COL17A1: variants seen among roughly 807,000 people sequenced by gnomAD.
The protein encoded by COL17A1 is collagen type XVII alpha 1 chain.
COL17A1 carries 181 observed loss-of-function variants against 218.4 expected under a neutral mutation model. The observed-to-expected ratio is 0.83, with a 90% CI of 0.73 to 0.94. COL17A1 has a LOEUF of 0.94. Ranked by LOEUF, COL17A1 falls within the 40% of genes least tolerant of loss-of-function variation. The pLI, the probability that COL17A1 is intolerant of heterozygous loss-of-function variation, is 0.00. For synonymous variants in COL17A1, 721 were observed against 731.0 expected, an observed-to-expected ratio of 0.99 and a Z score of 0.22; for missense variants, 1,924 against 1,945.9, an observed-to-expected ratio of 0.99 and a Z score of 0.21.
rs141521477 is a variant in COL17A1, at chr10:104,061,915, G to A, written c.910+343C>T. On this transcript the variant is annotated intron_variant, in intron 12 of 55. Coordinates refer to ENST00000648076, the MANE Select transcript of COL17A1 (RefSeq NM_000494.4). Reference sequence around the variant, plus strand: ...GCACAGCGGTGGCAACCTGTAGGGGGTGCACCATAAAATCAACCAGATGAT... The same window carrying A: ...GCACAGCGGTGGCAACCTGTAGGGGATGCACCATAAAATCAACCAGATGAT... 1.6e-3 allele frequency among the ~76,000 whole-genome samples: 245 copies of A among 152,260 alleles called. 1 individual carries two copies. The highest frequency in any genetic ancestry group is 5.8e-3 in the African/African-American group (239 of 41,544).
At chr10:104,071,923 CA>C (rs1321718766) in intron 8 of COL17A1, 108 bp downstream of exon 8, 6 of 1,514,166 alleles carry the variant, frequency 4.0e-6, no homozygotes, top group Non-Finnish European at 4.6e-6. Context: ...CATGTACATA[CA>C]TGTGTGTGCA....
intron 13 of COL17A1, among the ~76,000 whole-genome samples, chr10:104,060,697 C>T (rs1474286586): frequency 6.6e-6 from 1 of 152,178 alleles, no homozygotes; most frequent in Non-Finnish European, 1.5e-5. Flanking sequence ...CCATCTAAAG[C>T]ACTTCACCCT....
In COL17A1 at chr10:104,033,367, G is replaced by C. The variant is rs750630953; in HGVS notation, c.4165C>G (p.Leu1389Val). 2 of 1,610,702 alleles carry C rather than the reference G, an allele frequency of 1.2e-6. No homozygotes were observed. The highest frequency in any genetic ancestry group is 2.2e-5 in the South Asian group (2 of 90,080). The change falls in exon 53 of 56, where the codon CTA becomes GTA. Residue 1389 changes from leucine to valine, a missense_variant. Leu to Val is a conservative substitution (Grantham distance 32, BLOSUM62 1). Transcript: ENST00000648076. ...ACAGTGTAGGCCATCCCTTGCAGTA[G>C]GCCCTGACCTGTAAAACACCAGAGC... ...RVSESMQRQGLLQGMAYTVQG... is the reference protein window; with the variant it reads ...RVSESMQRQGVLQGMAYTVQG...
At chr10:104,074,145 C>G in intron 6 of COL17A1, 39 bp downstream of exon 6, 3 of 1,613,860 alleles carry the variant, frequency 1.9e-6, no homozygotes, top group Non-Finnish European at 2.5e-6. Flanking sequence ...CCTAGTGCCT[C>G]GTTTGACCAT....
In COL17A1 at chr10:104,033,311, C is replaced by A; in HGVS notation, c.4221G>T (p.Gln1407His). 1 of 1,606,602 alleles carries A rather than the reference C, an allele frequency of 6.2e-7. No individual in the cohort carries two copies. The change falls in exon 53 of 56, where the codon CAG (glutamine) becomes CAT (histidine). Residue 1407 changes from glutamine to histidine, a missense_variant. Transcript: ENST00000648076. ...VQGPPGQPGP[Q>H]GPPGISKVFS... ...AGACCTTGCTGATGCCGGGTGGCCC[C>A]TGTGGCCCAGGCTGGCCTGGTGGGC...
chr10:104,046,628 G>T, intron 32 of COL17A1, 119 bp downstream of exon 32: 2 of 928,098 alleles, frequency 2.2e-6, no homozygotes, highest in Non-Finnish European at 1.8e-6. Context: ...GAAAGGGAGT[G>T]TGTGCCAGGG....
intron 48 of COL17A1, among the ~76,000 whole-genome samples, chr10:104,035,911 A>C (rs200636792): frequency 7.4e-6 from 1 of 135,270 alleles, no homozygotes; most frequent in East Asian, 2.2e-4. Flanking sequence ...TGTGTATGGG[A>C]GTGTGTATGA....
rs767083273 is a variant in COL17A1 at position 104,053,064 on chromosome 10, C to T, written c.1906G>A (p.Gly636Arg). ...CCTTTCTCTCCAGATCCAGGAGGCC[C>T]TGCCTCACCACGAGGTCCCATGGGG... ...EGPMGPRGEA[G>R]PPGSGEKGER... The change falls in exon 23 of 56, where the codon GGG (glycine) becomes AGG (arginine). Residue 636 changes from glycine (G) to arginine (R), a missense_variant. Coordinates refer to ENST00000648076, the MANE Select transcript of COL17A1 (RefSeq NM_000494.4). 6.8e-6 allele frequency: 11 copies of T among 1,614,046 alleles called. No homozygotes were observed. Among genetic ancestry groups the T allele is most frequent in the African/African-American group, 1.3e-5 (1 of 74,942 alleles).
Position 104,053,152 on chromosome 10 carries a change from C to T in COL17A1, c.1835-17G>A, listed in dbSNP as rs1172352702. On this transcript the variant is annotated splice_polypyrimidine_tract_variant and intron_variant, in intron 22 of 55. Coordinates refer to ENST00000648076, the MANE Select transcript of COL17A1 (RefSeq NM_000494.4). The stretch of plus-strand genomic sequence containing the variant: ...CAGGATCTCCTAAAGACAGGGATGG[C>T]CAGCCTCCAAGTCAGGATCCCGTAC... The T allele has an allele frequency of 1.9e-6, 3 of 1,610,924 alleles. No individual in the cohort carries two copies. The South Asian group carries it at 3.3e-5, about 18-fold the overall frequency.
chr10:104,065,877 C>T (rs1369676881), intron 9 of COL17A1, among the ~76,000 whole-genome samples: 2 of 152,240 alleles, frequency 1.3e-5, no homozygotes, highest in Non-Finnish European at 2.9e-5. Context: ...GTTGCCTTTT[C>T]TCCTGAAGGA....
chr10:104,056,885 G>T, intron 17 of COL17A1, 90 bp downstream of exon 17: 1 of 1,545,122 alleles, frequency 6.5e-7, no homozygotes, highest in Non-Finnish European at 8.7e-7. Flanking sequence ...CTAACACGTG[G>T]GCCCATTCAC....
intron 15 of COL17A1, among the ~76,000 whole-genome samples, chr10:104,058,702 G>A (rs2086554382): frequency 6.6e-6 from 1 of 152,170 alleles, no homozygotes; most frequent in South Asian, 2.1e-4. Flanking sequence ...GGGAGGCCGA[G>A]GCGGGCAGAT....
At chr10:104,060,334 A>G in intron 13 of COL17A1, 54 bp from the exon 14 acceptor site, 1 of 1,607,068 alleles carries the variant, frequency 6.2e-7, no homozygotes, top group East Asian at 2.2e-5. Context: ...GAGAAGGGAG[A>G]GGGGAGAAAA....
At chr10:104,065,224 G>A (rs1158660275) in intron 9 of COL17A1, among the ~76,000 whole-genome samples, 1 of 152,214 alleles carries the variant, frequency 6.6e-6, no homozygotes, top group Non-Finnish European at 1.5e-5. Context: ...GAGGGAGCCA[G>A]CCATGCAGGT....
intron 27 of COL17A1, 43 bp downstream of exon 27, chr10:104,050,577 TG>T: frequency 6.2e-7 from 1 of 1,612,172 alleles, no homozygotes; most frequent in Non-Finnish European, 8.5e-7. Flanking sequence ...CTCCCAGGAG[TG>T]AGGCAGGCCC....
chr10:104,039,964 C>G lies in COL17A1; in HGVS notation c.2788+9G>C, dbSNP rs764254535. On this transcript the variant is annotated intron_variant, in intron 41 of 55. Coordinates refer to ENST00000648076, the MANE Select transcript of COL17A1 (RefSeq NM_000494.4). ...CCCCAGGTTTTGTTTGATGCCGGCT[C>G]TACTGTACCTTGGTGTCCTCTGGGG... is the stretch of plus-strand genomic sequence containing the variant. 6.2e-7 allele frequency: 1 copy of G among 1,614,148 alleles called. No homozygotes were observed. Among genetic ancestry groups the G allele is most frequent in the South Asian group, 1.1e-5 (1 of 91,082 alleles).
chr10:104,052,930 AG>A (rs2086484379), intron 23 of COL17A1, 100 bp downstream of exon 23: 1 of 1,386,168 alleles, frequency 7.2e-7, no homozygotes, highest in Admixed American at 1.7e-5. Context: ...AAATGAAGGA[AG>A]GGGGGAGAAA....
chr10:104,080,594 A>G (rs1182728438), intron 2 of COL17A1, 28 bp downstream of exon 2: 2 of 1,610,030 alleles, frequency 1.2e-6, no homozygotes, highest in Admixed American at 1.7e-5. Flanking sequence ...AATAAAACAC[A>G]TAAATTAAAA....
At chr10:104,052,723 C>T (rs190364596) in intron 23 of COL17A1, among the ~76,000 whole-genome samples, 1 of 152,172 alleles carries the variant, frequency 6.6e-6, no homozygotes, top group Non-Finnish European at 1.5e-5. Flanking sequence ...TGCCCTGCCC[C>T]CTGAGCCCCA....
Sources: allele counts gnomAD v4.1 joint callset (sites outside exome capture counted in the v4.1 genomes callset), GRCh38; gene constraint gnomAD v4.1.1; transcripts MANE v1.5; gene names NCBI Gene and HGNC (gene_info 2026-07-23, HGNC 2026-07-21).